The following AHCYL2 variants were observed in gnomAD, a reference collection of about 807,000 sequenced individuals.
AHCYL2 encodes the protein S-adenosylhomocysteine hydrolase-like protein 2.
AHCYL2 carries 28 observed loss-of-function variants against 81.4 expected under a neutral mutation model. The observed-to-expected ratio is 0.34, with a 90% CI of 0.25 to 0.47. The LOEUF is 0.47. AHCYL2 is among the 20% of genes least tolerant of loss of function. The probability of loss-of-function intolerance (pLI) is 1.00; values close to 1 mark genes in which losing one functional copy is unlikely to be tolerated. For synonymous variants in AHCYL2, 272 were observed against 290.2 expected (o/e 0.94, Z 0.64); for missense variants, 551 against 785.1 (o/e 0.70, Z 3.56).
chr7:129,336,508 T>C (rs1798609421), intron 1 of AHCYL2, among the ~76,000 whole-genome samples: 2 of 152,220 alleles, frequency 1.3e-5, no homozygotes, highest in African/African-American at 4.8e-5. Flanking sequence ...CATTAATTTC[T>C]TGCCTTTCTC....
intron 1 of AHCYL2, among the ~76,000 whole-genome samples, chr7:129,271,584 A>G (rs558264667): frequency 6.6e-6 from 1 of 152,224 alleles, no homozygotes; most frequent in East Asian, 1.9e-4. Flanking sequence ...AAAATAATAT[A>G]TACTATGTTA....
intron 1 of AHCYL2, among the ~76,000 whole-genome samples, chr7:129,236,765 A>C (rs909308927): frequency 6.6e-6 from 1 of 152,214 alleles, no homozygotes; most frequent in East Asian, 1.9e-4. Flanking sequence ...TTTGGGGGAA[A>C]GTCTTTTACT....
chr7:129,305,556 CTG>C (rs1439223149), intron 1 of AHCYL2, among the ~76,000 whole-genome samples: 7 of 152,196 alleles, frequency 4.6e-5, no homozygotes, highest in South Asian at 4.1e-4. Flanking sequence ...TCTTATTGTA[CTG>C]TGTCTTGAAA....
intron 1 of AHCYL2, among the ~76,000 whole-genome samples, chr7:129,378,966 A>G (rs779241610): frequency 1.2e-4 from 19 of 152,162 alleles, no homozygotes; most frequent in Non-Finnish European, 2.6e-4. Context: ...GGGGTGTCAC[A>G]ATTTTATTGT....
At chr7:129,327,683 C>A (rs2150798308) in intron 1 of AHCYL2, among the ~76,000 whole-genome samples, 1 of 152,248 alleles carries the variant, frequency 6.6e-6, no homozygotes, top group Admixed American at 6.5e-5. Context: ...CCAGGCTGTT[C>A]TTGAACTTCT....
chr7:129,322,603 T>G lies in AHCYL2; in HGVS notation c.364-57035T>G, dbSNP rs1479513213. Among the ~76,000 whole-genome samples the G allele has an allele frequency of 3.3e-5, 5 of 152,096 alleles. 1 individual carries two copies. The highest frequency in any genetic ancestry group is 1.2e-4 in the African/African-American group (5 of 41,434). On this transcript the variant is annotated intron_variant, in intron 1 of 16. Coordinates refer to ENST00000325006, the MANE Select transcript of AHCYL2 (RefSeq NM_015328.4). ...CATAATTTTTCTTTTTTCTTTTTCT[T>G]TTTTTTGAGACAGGGTCTCACTCTG...
At chr7:129,250,660 C>T (rs184909386) in intron 1 of AHCYL2, among the ~76,000 whole-genome samples, 1 of 152,278 alleles carries the variant, frequency 6.6e-6, no homozygotes, top group African/African-American at 2.4e-5. Context: ...GTAATGTTCA[C>T]TGATAGTTGG....
intron 2 of AHCYL2, among the ~76,000 whole-genome samples, chr7:129,380,833 C>T (rs1794921823): frequency 6.6e-6 from 1 of 152,238 alleles, no homozygotes; most frequent in African/African-American, 2.4e-5. Context: ...CTTGACCTCA[C>T]GGACTCAAGT....
chr7:129,240,266 A>G (rs1002075031), intron 1 of AHCYL2, among the ~76,000 whole-genome samples: 1 of 152,062 alleles, frequency 6.6e-6, no homozygotes. Flanking sequence ...AGTCTTCTCC[A>G]TGGTTACAGA....
chr7:129,284,481 C>T (rs1223279550), intron 1 of AHCYL2, among the ~76,000 whole-genome samples: 1 of 152,002 alleles, frequency 6.6e-6, no homozygotes, highest in Non-Finnish European at 1.5e-5. Flanking sequence ...TGCCTGTAAT[C>T]CCAGCTGCTT....
intron 5 of AHCYL2, 99 bp downstream of exon 5, chr7:129,397,423 A>T: frequency 8.4e-7 from 1 of 1,196,554 alleles, no homozygotes; most frequent in Non-Finnish European, 1.2e-6. Flanking sequence ...ACAATAAAAG[A>T]ACTATCTTGG....
At position 129,409,671 on chromosome 7, in the gene AHCYL2, G is replaced by A. The variant is rs1796471872; in HGVS notation, c.1366+125G>A. On this transcript the variant is annotated intron_variant, in intron 11 of 16. Coordinates refer to ENST00000325006, the MANE Select transcript of AHCYL2 (RefSeq NM_015328.4). ...CTAGAGAGAGATAGTAGCCCACAAA[G>A]CCAGCCAGTCTTTCACATTCTTCCT... 6 of 715,786 alleles carry A rather than the reference G, an allele frequency of 8.4e-6. No homozygotes were observed. In the South Asian group the frequency reaches 1.2e-4, roughly 14 times the overall value. The allele number at this position is 715,786 out of a possible 1,614,324, so 44.3% of individuals were successfully genotyped here.
chr7:129,370,616 T>A (rs949145551), intron 1 of AHCYL2, among the ~76,000 whole-genome samples: 2 of 152,204 alleles, frequency 1.3e-5, no homozygotes, highest in Admixed American at 6.5e-5. Flanking sequence ...GAGAATAGCA[T>A]GAACCCGGGA....
At chr7:129,270,951 A>AGTAGTCTTGAATCTGCAACAGTCCTACG (rs1473689001) in intron 1 of AHCYL2, among the ~76,000 whole-genome samples, 4 of 152,336 alleles carry the variant, frequency 2.6e-5, no homozygotes, top group African/African-American at 9.6e-5. Flanking sequence ...TAACATATAA[A>AGTAGTCTTGAATCTGCAACAGTCCTACG]GTAGTCTTGA....
chr7:129,295,552 C>T (rs13228005), intron 1 of AHCYL2, among the ~76,000 whole-genome samples: 8,354 of 152,150 alleles, frequency 0.055, 285 homozygotes, highest in Non-Finnish European at 0.082. Flanking sequence ...TGGTATTTCT[C>T]CACACCTTTG....
chr7:129,313,621 G>C (rs1797734446), intron 1 of AHCYL2, among the ~76,000 whole-genome samples: 1 of 152,180 alleles, frequency 6.6e-6, no homozygotes, highest in Non-Finnish European at 1.5e-5. Flanking sequence ...TGAGAAAGAA[G>C]CGATAGTCAA....
At chr7:129,284,329 GGCTCAC>G (rs1211304671) in intron 1 of AHCYL2, among the ~76,000 whole-genome samples, 3 of 152,166 alleles carry the variant, frequency 2.0e-5, no homozygotes, top group African/African-American at 7.2e-5. Flanking sequence ...CGGGCATGGT[GGCTCAC>G]GCCTGTAATC....
chr7:129,230,755 T>G (rs770382094), intron 1 of AHCYL2, among the ~76,000 whole-genome samples: 54 of 151,588 alleles, frequency 3.6e-4, no homozygotes, highest in Non-Finnish European at 7.2e-4. Context: ...GTATTTTTAG[T>G]AGAGACGAGG....
chr7:129,406,845 C>T lies in AHCYL2; in HGVS notation c.1295+379C>T, dbSNP rs1057040521. Among the ~76,000 whole-genome samples, 1 of 152,106 alleles carries T rather than the reference C, an allele frequency of 6.6e-6. No individual in the cohort carries two copies. The highest frequency in any genetic ancestry group is 2.4e-5 in the African/African-American group (1 of 41,416). The stretch of plus-strand genomic sequence containing the variant: ...TGGTATTCCTCCCAAAAATGTATAA[C>T]CTGAATCTAATTGTGAGGAAACATT... On this transcript the variant is annotated intron_variant, in intron 10 of 16. Transcript: ENST00000325006. The surrounding 1 kb of genome is among the most constrained non-coding windows in gnomAD (Gnocchi z 4.3).
Sources: allele counts gnomAD v4.1 joint callset (sites outside exome capture counted in the v4.1 genomes callset), GRCh38; gene constraint gnomAD v4.1.1; non-coding constraint Gnocchi (gnomAD v3.1); transcripts MANE v1.5; gene names NCBI Gene and HGNC (gene_info 2026-07-23, HGNC 2026-07-21).